PARD3B: variants seen among roughly 807,000 people sequenced by gnomAD.
PARD3B encodes partitioning defective 3 homolog B.
A neutral mutation model predicts 130.2 loss-of-function variants in PARD3B; 103 were observed. The observed-to-expected ratio is 0.79, with a 90% CI of 0.67 to 0.93. PARD3B has a LOEUF of 0.93. Ranked by LOEUF, PARD3B falls within the 40% of genes least tolerant of loss-of-function variation. PARD3B has a pLI of 0.00. For missense variants in PARD3B, 1,609 were observed against 1,499.2 expected, an observed-to-expected ratio of 1.07 and a Z score of -1.21; for synonymous variants, 583 against 553.2, an observed-to-expected ratio of 1.05 and a Z score of -0.76.
At position 205,253,178 on chromosome 2, in the gene PARD3B, G is replaced by A. The variant is rs1010475580; in HGVS notation, c.2185+7356G>A. On this transcript the variant is annotated intron_variant, in intron 16 of 22. Coordinates refer to ENST00000406610, the MANE Select transcript of PARD3B (RefSeq NM_001302769.2). This position sits in a 1 kb window ranked among gnomAD's most constrained non-coding sequence, Gnocchi z 4.4. ...GGGTTTAGCTCCAACTTACAGGTTA[G>A]GACCAGCTTTTCTGCAGGTGTTGAC... The A allele has an allele frequency of 7.7e-6, 3 of 389,528 alleles. No individual in the cohort carries two copies. The highest frequency in any genetic ancestry group is 5.9e-5 in the Admixed American group (2 of 34,146). The allele number at this position is 389,528 out of a possible 1,614,324, so 24.1% of individuals were successfully genotyped here.
At chr2:204,609,380 TG>T (rs1171186298) in intron 1 of PARD3B, among the ~76,000 whole-genome samples, 1 of 152,170 alleles carries the variant, frequency 6.6e-6, no homozygotes, top group Admixed American at 6.6e-5. Context: ...GACCATGGCC[TG>T]GGGAACAGTC....
intron 20 of PARD3B, among the ~76,000 whole-genome samples, chr2:205,454,802 C>A (rs957443060): frequency 2.0e-5 from 3 of 152,108 alleles, no homozygotes; most frequent in Admixed American, 6.6e-5. Context: ...AAAAACCAAG[C>A]CCCAAAAATG....
At chr2:205,304,920 G>A (rs2042137493) in intron 18 of PARD3B, among the ~76,000 whole-genome samples, 1 of 152,118 alleles carries the variant, frequency 6.6e-6, no homozygotes, top group Non-Finnish European at 1.5e-5. Context: ...ACTCCAGCCT[G>A]GGCAACAGAG....
At chr2:205,383,751 T>A (rs542510587) in intron 18 of PARD3B, among the ~76,000 whole-genome samples, 9 of 152,192 alleles carry the variant, frequency 5.9e-5, no homozygotes, top group African/African-American at 2.2e-4. Flanking sequence ...ACTGATCTGG[T>A]TTCCATCTCT....
chr2:205,469,875 T>C (rs2106253209), intron 20 of PARD3B, among the ~76,000 whole-genome samples: 1 of 152,392 alleles, frequency 6.6e-6, no homozygotes, highest in South Asian at 2.1e-4. Flanking sequence ...CCATTGTCTA[T>C]AATTTCTCAA....
chr2:205,304,042 T>C (rs547646153), intron 18 of PARD3B, among the ~76,000 whole-genome samples: 1 of 152,362 alleles, frequency 6.6e-6, no homozygotes, highest in African/African-American at 2.4e-5. Context: ...ATGCTGCGTG[T>C]ATTTATTACC....
intron 22 of PARD3B, among the ~76,000 whole-genome samples, chr2:205,595,789 G>A (rs1300577200): frequency 2.0e-5 from 3 of 152,138 alleles, no homozygotes; most frequent in African/African-American, 7.2e-5. Context: ...ACCTTGTCTT[G>A]CTCTCTCTTT....
chr2:205,042,751 A>G (rs965203474), intron 3 of PARD3B, among the ~76,000 whole-genome samples: 3 of 151,898 alleles, frequency 2.0e-5, no homozygotes, highest in Middle Eastern at 3.4e-3. Flanking sequence ...AATGTTCCTC[A>G]TTTCCACATT....
intron 20 of PARD3B, among the ~76,000 whole-genome samples, chr2:205,444,219 G>A (rs1559100024): frequency 6.6e-6 from 1 of 152,180 alleles, no homozygotes; most frequent in African/African-American, 2.4e-5. Context: ...CTGACTTCAG[G>A]TGATCTGCCC....
In PARD3B at chr2:204,943,475, C is replaced by A. The variant is rs73053196; in HGVS notation, c.223-21677C>A. 0.2 allele frequency among the ~76,000 whole-genome samples: 30,743 copies of A among 151,846 alleles called. 3,337 individuals carry two copies. Among genetic ancestry groups the A allele is most frequent in the Non-Finnish European group, 0.22 (15,196 of 67,952 alleles). ...AGTTGATACAGTGCCCTTTCCCAAG[C>A]AGAACATCTGGTTTACTGCCCCTTG... On this transcript the variant is annotated intron_variant, in intron 2 of 22. Coordinates refer to ENST00000406610, the MANE Select transcript of PARD3B (RefSeq NM_001302769.2). The surrounding 1 kb of genome is among the most constrained non-coding windows in gnomAD (Gnocchi z 4.2).
At position 205,565,910 on chromosome 2, in the gene PARD3B, CAA is replaced by C. The variant is rs78064685; in HGVS notation, c.3260+12523_3260+12524del. Among the ~76,000 whole-genome samples the C allele has an allele frequency of 8.8e-4, 56 of 63,638 alleles. No homozygotes were observed. In the South Asian group the frequency reaches 0.019, roughly 21 times the overall value. 41.7% of individuals were successfully genotyped at this position (63,638 alleles called of 152,430 possible). ...CATAAAATTGTAACTCTGCCCATTA[CAA>C]AAAAAAAAAAAAAAAGGAGAGATAT... On this transcript the variant is annotated intron_variant, in intron 22 of 22. Transcript: ENST00000406610.
chr2:205,528,361 T>C (rs1219187583), intron 21 of PARD3B, among the ~76,000 whole-genome samples: 1 of 152,200 alleles, frequency 6.6e-6, no homozygotes, highest in Non-Finnish European at 1.5e-5. Context: ...AACAAATGTT[T>C]GAATTCTTGA....
intron 2 of PARD3B, among the ~76,000 whole-genome samples, chr2:204,740,703 G>A (rs536892121): frequency 6.6e-6 from 1 of 152,310 alleles, no homozygotes; most frequent in South Asian, 2.1e-4. Context: ...CCACCAGAGT[G>A]CCTACATGTA....
At chr2:205,314,837 G>C (rs558638334) in intron 18 of PARD3B, among the ~76,000 whole-genome samples, 36 of 152,212 alleles carry the variant, frequency 2.4e-4, no homozygotes, top group African/African-American at 7.5e-4. Flanking sequence ...TAAGTCACCA[G>C]CTCATCCTGA....
At chr2:205,259,316 T>C (rs187023689) in intron 16 of PARD3B, among the ~76,000 whole-genome samples, 2 of 152,292 alleles carry the variant, frequency 1.3e-5, no homozygotes, top group East Asian at 3.9e-4. Flanking sequence ...GTTTTGTTTA[T>C]TAGAACATGT....
rs571694034 is a variant in PARD3B at position 205,568,320 on chromosome 2, C to T, written c.3260+14917C>T. On this transcript the variant is annotated intron_variant, in intron 22 of 22. Transcript: ENST00000406610. The surrounding 1 kb of genome is among the most constrained non-coding windows in gnomAD (Gnocchi z 5.3). ...CTCTGTGAATTGGTCATGTCTTGTACGGAACACAGTGAATGCCAATAGCAC... is the reference window on the plus strand; with the variant it reads ...CTCTGTGAATTGGTCATGTCTTGTATGGAACACAGTGAATGCCAATAGCAC... Among the ~76,000 whole-genome samples, 3 of 152,258 alleles carry T rather than the reference C, an allele frequency of 2.0e-5. No individual in the cohort carries two copies. The highest frequency in any genetic ancestry group is 1.9e-4 in the East Asian group (1 of 5,186).
chr2:204,905,329 G>T (rs913353647), intron 2 of PARD3B, among the ~76,000 whole-genome samples: 1 of 152,190 alleles, frequency 6.6e-6, no homozygotes, highest in Non-Finnish European at 1.5e-5. Flanking sequence ...ACCTGGCATG[G>T]TGGGAGAGGA....
chr2:205,152,588 A>G (rs2033834409), intron 10 of PARD3B, among the ~76,000 whole-genome samples: 1 of 152,124 alleles, frequency 6.6e-6, no homozygotes, highest in Admixed American at 6.5e-5. Flanking sequence ...TTCTCTTGCC[A>G]TGGTTTTCAG....
At chr2:205,439,424 C>T (rs2047634815) in intron 19 of PARD3B, among the ~76,000 whole-genome samples, 1 of 152,170 alleles carries the variant, frequency 6.6e-6, no homozygotes, top group South Asian at 2.1e-4. Context: ...TGAAGACCTC[C>T]TCACACCATC....
Sources: gnomAD v4.1 joint callset for allele counts (sites outside exome capture counted in the v4.1 genomes callset) on GRCh38, gnomAD v4.1.1 for gene constraint, Gnocchi (gnomAD v3.1) non-coding constraint, MANE v1.5 for transcripts, NCBI Gene and HGNC (gene_info 2026-07-23, HGNC 2026-07-21) for gene names.